Variants in ADCY5 observed in about 807,000 individuals in gnomAD.
The protein encoded by ADCY5 is adenylate cyclase 5.
A neutral mutation model predicts 119.7 loss-of-function variants in ADCY5; 30 were observed. That is an observed-to-expected ratio of 0.25 (90% CI 0.19 to 0.34). The LOEUF (loss-of-function observed/expected upper bound fraction) is 0.34, where lower values mean the gene tolerates loss of function less well. Ranked by LOEUF, ADCY5 falls within the 10% of genes least tolerant of loss-of-function variation. The pLI, the probability that ADCY5 is intolerant of heterozygous loss-of-function variation, is 1.00. For missense variants in ADCY5, 1,324 were observed against 1,775.2 expected (o/e 0.75, Z 4.57); for synonymous variants, 753 against 762.2 (o/e 0.99, Z 0.20).
intron 1 of ADCY5, among the ~76,000 whole-genome samples, chr3:123,360,085 AT>A (rs141155249): frequency 0.024 from 3,701 of 151,094 alleles, 169 homozygotes; most frequent in African/African-American, 0.085. Flanking sequence ...ACTATTACAT[AT>A]TTTTAACTGT....
intron 1 of ADCY5, among the ~76,000 whole-genome samples, chr3:123,440,777 C>A (rs577967492): frequency 6.6e-6 from 1 of 152,276 alleles, no homozygotes; most frequent in African/African-American, 2.4e-5. Context: ...TACTAACCTC[C>A]CCCTCAAAAG....
At chr3:123,389,547 A>G (rs1369493083) in intron 1 of ADCY5, among the ~76,000 whole-genome samples, 3 of 151,936 alleles carry the variant, frequency 2.0e-5, no homozygotes, top group African/African-American at 7.3e-5. Context: ...ACACATGCGC[A>G]CACACACGTT....
chr3:123,391,018 G>T (rs1944387801), intron 1 of ADCY5, among the ~76,000 whole-genome samples: 1 of 152,264 alleles, frequency 6.6e-6, no homozygotes, highest in Non-Finnish European at 1.5e-5. Context: ...TGCTGACCCA[G>T]CCTTGGGCAG....
chr3:123,332,687 G>A lies in ADCY5; in HGVS notation c.1407-12C>T. 1.9e-6 allele frequency: 3 copies of A among 1,572,966 alleles called. No individual in the cohort carries two copies. Among genetic ancestry groups the A allele is most frequent in the Non-Finnish European group, 2.6e-6 (3 of 1,143,520 alleles). Reference sequence around the variant, plus strand: ...CAGCAAACAGGATGCTGGGGGACAGGCAGAGGAGGAAGACCCTGCTATAGG... The same window carrying A: ...CAGCAAACAGGATGCTGGGGGACAGACAGAGGAGGAAGACCCTGCTATAGG... On this transcript the variant is annotated splice_polypyrimidine_tract_variant and intron_variant, in intron 3 of 20. Transcript: ENST00000462833.
chr3:123,420,881 C>A (rs1330941846), intron 1 of ADCY5, among the ~76,000 whole-genome samples: 1 of 152,168 alleles, frequency 6.6e-6, no homozygotes, highest in Non-Finnish European at 1.5e-5. Flanking sequence ...AAGGAAAAAT[C>A]TGTTCCCTGC....
At chr3:123,300,020 C>T (rs530114597) in intron 15 of ADCY5, 100 bp downstream of exon 15, 310 of 1,312,794 alleles carry the variant, frequency 2.4e-4, no homozygotes, top group Non-Finnish European at 3.1e-4. Context: ...ATACTCTCCT[C>T]GCAAGTTCCC....
chr3:123,282,572 A>C lies in ADCY5; in HGVS notation c.*2036T>G, dbSNP rs1282389996. 1 of 152,340 alleles carries C rather than the reference A, an allele frequency of 6.6e-6. No individual in the cohort carries two copies. The highest frequency in any genetic ancestry group is 1.5e-5 in the Non-Finnish European group (1 of 68,118). 9.4% of individuals were successfully genotyped at this position (152,340 alleles called of 1,614,324 possible). On this transcript the variant is annotated 3_prime_UTR_variant, in exon 21 of 21. Transcript: ENST00000462833. ...AGGTTGGAAGCAGAACGAAAACCCAACACCACTGGCGGGCGATGTGGAGGG... is the reference window on the plus strand; with the variant it reads ...AGGTTGGAAGCAGAACGAAAACCCACCACCACTGGCGGGCGATGTGGAGGG...
rs1945877894 is a variant in ADCY5, at chr3:123,448,761, C to T, written c.-216G>A. 5 of 408,792 alleles carry T rather than the reference C, an allele frequency of 1.2e-5. No individual in the cohort carries two copies. Among genetic ancestry groups the T allele is most frequent in the South Asian group, 1.4e-4 (1 of 7,286 alleles). The allele number at this position is 408,792 out of a possible 1,614,324, so 25.3% of individuals were successfully genotyped here. On this transcript the variant is annotated 5_prime_UTR_variant, in exon 1 of 21. Transcript: ENST00000462833. ...GTGAGAAGTAGCTGAGGATCCGCGT[C>T]AGAAGTCCCAGGTCCGAAATGGAGT... is the stretch of plus-strand genomic sequence containing the variant.
chr3:123,315,911 G>A (rs377293099), intron 11 of ADCY5, among the ~76,000 whole-genome samples: 26 of 152,040 alleles, frequency 1.7e-4, no homozygotes, highest in Admixed American at 1.4e-3. Context: ...ATACTTGTGC[G>A]TCCACATCAG....
intron 3 of ADCY5, among the ~76,000 whole-genome samples, chr3:123,337,495 G>C (rs1251771693): frequency 6.6e-6 from 1 of 152,220 alleles, no homozygotes; most frequent in Non-Finnish European, 1.5e-5. Flanking sequence ...AGTCGGTAGG[G>C]CCCTGCTCCC....
rs753813374 is a variant in ADCY5 at position 123,304,141 on chromosome 3, G to C, written c.2485C>G (p.Arg829Gly). The C allele has an allele frequency of 6.6e-7, 1 of 1,519,844 alleles. No individual in the cohort carries two copies. The highest frequency in any genetic ancestry group is 1.8e-5 in the Admixed American group (1 of 57,006). The allele number at this position is 1,519,844 out of a possible 1,614,324, so 94.1% of individuals were successfully genotyped here. The change falls in exon 13 of 21, where the codon CGG (arginine) becomes GGG (glycine). Residue 829 changes from arginine to glycine, a missense_variant. By Grantham distance (125) the Arg-to-Gly change is moderately radical. Coordinates refer to ENST00000462833, the MANE Select transcript of ADCY5 (RefSeq NM_183357.3). ...ACCAGGGTGCTGTTCATCTTGGACC[G>C]CACGATCTTCCTGGAGAGGGTCTGC... ...PLQTLSRKIV[R>G]SKMNSTLVGV...
chr3:123,359,108 C>T (rs1446814073), intron 1 of ADCY5, among the ~76,000 whole-genome samples: 1 of 139,876 alleles, frequency 7.1e-6, no homozygotes, highest in Non-Finnish European at 1.6e-5. Flanking sequence ...TCAGTTTGCT[C>T]TTTTATGCGG....
intron 1 of ADCY5, among the ~76,000 whole-genome samples, chr3:123,409,029 A>C (rs905406189): frequency 1.3e-5 from 2 of 152,218 alleles, no homozygotes; most frequent in Admixed American, 1.3e-4. Context: ...CTTACATAAA[A>C]ATGTATCTCT....
intron 17 of ADCY5, among the ~76,000 whole-genome samples, chr3:123,292,485 CTG>C (rs574417918): frequency 2.5e-4 from 38 of 152,302 alleles, no homozygotes; most frequent in African/African-American, 9.1e-4. Flanking sequence ...GGGAATGTGG[CTG>C]TGAGGACTGG....
intron 1 of ADCY5, among the ~76,000 whole-genome samples, chr3:123,378,163 C>T (rs1943905588): frequency 6.6e-6 from 1 of 152,116 alleles, no homozygotes; most frequent in Non-Finnish European, 1.5e-5. Flanking sequence ...TCCTGATAAT[C>T]AGCACCCACG....
chr3:123,369,209 C>T (rs369313679), intron 1 of ADCY5, among the ~76,000 whole-genome samples: 68 of 152,312 alleles, frequency 4.5e-4, no homozygotes, highest in Non-Finnish European at 7.1e-4. Context: ...TGCTCTGTTT[C>T]GCCATGTGAT....
chr3:123,368,569 G>A lies in ADCY5; in HGVS notation c.1135-15988C>T, dbSNP rs1412530630. Among the ~76,000 whole-genome samples the A allele has an allele frequency of 3.9e-5, 6 of 152,098 alleles. No homozygotes were observed. The East Asian group carries it at 1.2e-3, about 29-fold the overall frequency. On this transcript the variant is annotated intron_variant, in intron 1 of 20. Coordinates refer to ENST00000462833, the MANE Select transcript of ADCY5 (RefSeq NM_183357.3). ...CCAAGATGGCACCACTGCACTCCAG[G>A]CTGGGCGACAGATCGAGACTGTCTC...
In ADCY5 at chr3:123,331,080, C is replaced by T. The variant is rs112023111; in HGVS notation, c.1519-64G>A. 6.6e-4 allele frequency: 1,019 copies of T among 1,547,008 alleles called. 1 individual carries two copies. The African/African-American group carries it at 0.012, about 18-fold the overall frequency. On this transcript the variant is annotated intron_variant, in intron 4 of 20. Coordinates refer to ENST00000462833, the MANE Select transcript of ADCY5 (RefSeq NM_183357.3). Reference sequence around the variant, plus strand: ...GAAAGAGAAGTGGGAGGGAAAGAAACGAGAAGCAAAAAGATTCACCCCGTG... The same window carrying T: ...GAAAGAGAAGTGGGAGGGAAAGAAATGAGAAGCAAAAAGATTCACCCCGTG...
intron 1 of ADCY5, among the ~76,000 whole-genome samples, chr3:123,353,586 A>AG (rs1032133647): frequency 2.6e-5 from 4 of 152,006 alleles, no homozygotes; most frequent in Admixed American, 6.5e-5. Context: ...GCTCCAGAAA[A>AG]GGAGCCTGGG....
Sources: allele counts gnomAD v4.1 joint callset (sites outside exome capture counted in the v4.1 genomes callset), GRCh38; gene constraint gnomAD v4.1.1; transcripts MANE v1.5; gene names NCBI Gene and HGNC (gene_info 2026-07-23, HGNC 2026-07-21).